The following MGLL variants were observed in gnomAD, a reference collection of about 807,000 sequenced individuals.
MGLL encodes lysophospholipase homolog.
MGLL carries 7 observed loss-of-function variants against 29.1 expected under a neutral mutation model. The observed-to-expected ratio is 0.24, with a 90% CI of 0.14 to 0.45. The LOEUF (loss-of-function observed/expected upper bound fraction) is 0.45. Among genes scored for constraint, MGLL ranks in the 20% least tolerant of loss-of-function variants. The pLI is 0.99. For missense variants in MGLL, 356 were observed against 413.6 expected (o/e 0.86, Z 1.21); for synonymous variants, 148 against 168.3 (o/e 0.88, Z 0.93).
intron 3 of MGLL, among the ~76,000 whole-genome samples, chr3:127,762,412 T>A (rs961692500): frequency 2.0e-5 from 3 of 152,176 alleles, no homozygotes; most frequent in African/African-American, 7.2e-5. Context: ...CCAGCCTTTC[T>A]TAAGGGCTGT....
intron 3 of MGLL, among the ~76,000 whole-genome samples, chr3:127,743,063 C>T (rs928201543): frequency 1.3e-5 from 2 of 152,244 alleles, no homozygotes; most frequent in African/African-American, 4.8e-5. Context: ...GATCCACCAG[C>T]CTTGGCCTCC....
At chr3:127,816,348 C>T (rs2077755404) in intron 2 of MGLL, among the ~76,000 whole-genome samples, 1 of 152,102 alleles carries the variant, frequency 6.6e-6, no homozygotes, top group African/African-American at 2.4e-5. Flanking sequence ...ACTCAACAGC[C>T]GGCTGACAAC....
intron 3 of MGLL, among the ~76,000 whole-genome samples, chr3:127,744,798 T>C (rs960638472): frequency 2.6e-5 from 4 of 152,194 alleles, no homozygotes; most frequent in Non-Finnish European, 4.4e-5. Context: ...CTATACTGTA[T>C]ATTCAGAACC....
At chr3:127,790,824 GC>G (rs2077287330) in intron 2 of MGLL, among the ~76,000 whole-genome samples, 1 of 152,170 alleles carries the variant, frequency 6.6e-6, no homozygotes, top group African/African-American at 2.4e-5. Flanking sequence ...AGTCCAGCCA[GC>G]CTGCCCACTT....
At chr3:127,694,288 T>A (rs13086452) in intron 7 of MGLL, among the ~76,000 whole-genome samples, 22,453 of 75,970 alleles carry the variant, frequency 0.3, 2,657 homozygotes, top group Non-Finnish European at 0.36. Context: ...AAAAAAAAAA[T>A]ATATATATAT....
rs2075607123 is a variant in MGLL at position 127,706,597 on chromosome 3, G to A, written c.600+3979C>T. ...CGCTCCCTCGCCACCACCCCACATGGAGCCATATGCCCAAGAGACTTTCTA... is the reference window on the plus strand; with the variant it reads ...CGCTCCCTCGCCACCACCCCACATGAAGCCATATGCCCAAGAGACTTTCTA... On this transcript the variant is annotated intron_variant, in intron 6 of 7. Coordinates refer to ENST00000265052, the MANE Select transcript of MGLL (RefSeq NM_007283.7). Among the ~76,000 whole-genome samples the A allele has an allele frequency of 2.0e-5, 3 of 152,204 alleles. 1 individual carries two copies. The highest frequency in any genetic ancestry group is 4.4e-5 in the Non-Finnish European group (3 of 68,042).
chr3:127,777,974 A>C (rs2077063394), intron 3 of MGLL, among the ~76,000 whole-genome samples: 1 of 152,230 alleles, frequency 6.6e-6, no homozygotes, highest in Admixed American at 6.5e-5. Context: ...TTCTGAGGTT[A>C]ACATGGAGAA....
intron 3 of MGLL, among the ~76,000 whole-genome samples, chr3:127,733,343 C>T (rs1420074152): frequency 6.6e-6 from 1 of 152,226 alleles, no homozygotes; most frequent in African/African-American, 2.4e-5. Context: ...AAATGGGCAC[C>T]CACCAGCCCT....
At position 127,820,309 on chromosome 3, in the gene MGLL, T is replaced by C. The variant is rs369229019; in HGVS notation, c.155+1385A>G. 5.1e-4 allele frequency among the ~76,000 whole-genome samples: 78 copies of C among 152,148 alleles called. No individual in the cohort carries two copies. In the South Asian group the frequency reaches 0.011, roughly 22 times the overall value. ...CTGCAATGCAACTTCAGCACAGAGATTGTGAAAACCACCCGCAGGCGAAGG... is the reference window on the plus strand; with the variant it reads ...CTGCAATGCAACTTCAGCACAGAGACTGTGAAAACCACCCGCAGGCGAAGG... On this transcript the variant is annotated intron_variant, in intron 2 of 7. Coordinates refer to ENST00000265052, the MANE Select transcript of MGLL (RefSeq NM_007283.7).
chr3:127,727,237 A>G (rs1461324505), intron 3 of MGLL, among the ~76,000 whole-genome samples: 1 of 152,166 alleles, frequency 6.6e-6, no homozygotes, highest in Non-Finnish European at 1.5e-5. Flanking sequence ...AGGGAGCCCC[A>G]CTTCCTTTCA....
intron 3 of MGLL, among the ~76,000 whole-genome samples, chr3:127,722,993 C>T (rs896774814): frequency 2.0e-5 from 3 of 152,208 alleles, no homozygotes; most frequent in African/African-American, 7.2e-5. Context: ...TGAATATTGG[C>T]CTTTCACTAG....
At chr3:127,822,007 G>A in intron 1 of MGLL, 169 bp from the exon 2 acceptor site, 1 of 767,690 alleles carries the variant, frequency 1.3e-6, no homozygotes, top group Middle Eastern at 3.4e-4. Context: ...ACCTCTCCAA[G>A]ACTGAAAAAT....
intron 2 of MGLL, among the ~76,000 whole-genome samples, chr3:127,820,656 C>T (rs937264894): frequency 1.1e-4 from 17 of 152,168 alleles, no homozygotes; most frequent in Non-Finnish European, 4.4e-5. Context: ...ACAACCCCCC[C>T]ACTTCCTCTA....
At chr3:127,785,235 C>T (rs922866766) in intron 2 of MGLL, among the ~76,000 whole-genome samples, 1 of 152,122 alleles carries the variant, frequency 6.6e-6, no homozygotes. Context: ...CCACTGTTGC[C>T]GCTCCCTCCT....
At chr3:127,789,717 A>G (rs1325482226) in intron 2 of MGLL, among the ~76,000 whole-genome samples, 1 of 152,104 alleles carries the variant, frequency 6.6e-6, no homozygotes. Context: ...AGAAAGAAAG[A>G]AAGGAAAGAA....
intron 3 of MGLL, among the ~76,000 whole-genome samples, chr3:127,766,497 C>A (rs1403168237): frequency 6.6e-6 from 1 of 152,190 alleles, no homozygotes; most frequent in African/African-American, 2.4e-5. Flanking sequence ...GTGGGAGCCC[C>A]AATCCACTTC....
chr3:127,721,234 C>A, intron 4 of MGLL, 71 bp from the exon 5 acceptor site: 2 of 1,338,310 alleles, frequency 1.5e-6, no homozygotes, highest in Non-Finnish European at 2.1e-6. Context: ...TAAACATGAC[C>A]AATGCAGTCC....
intron 2 of MGLL, 65 bp from the exon 3 acceptor site, chr3:127,781,960 C>T (rs1226797705): frequency 2.0e-6 from 3 of 1,486,478 alleles, no homozygotes; most frequent in African/African-American, 2.8e-5. Flanking sequence ...GTGGCTCATG[C>T]CTACAATTCC....
intron 3 of MGLL, among the ~76,000 whole-genome samples, chr3:127,725,938 T>C (rs1320343995): frequency 6.6e-6 from 1 of 151,592 alleles, no homozygotes; most frequent in Non-Finnish European, 1.5e-5. Context: ...TGGACATTGG[T>C]GGCGTGGTGG....
Sources: allele counts gnomAD v4.1 joint callset (sites outside exome capture counted in the v4.1 genomes callset), GRCh38; gene constraint gnomAD v4.1.1; transcripts MANE v1.5; gene names NCBI Gene and HGNC (gene_info 2026-07-23, HGNC 2026-07-21).